Variants in HTR4 observed in about 807,000 individuals in gnomAD.
HTR4 encodes 5-hydroxytryptamine (serotonin) receptor 4, G protein-coupled.
HTR4 carries 16 observed loss-of-function variants against 36.8 expected under a neutral mutation model. That is an observed-to-expected ratio of 0.43 (90% CI 0.29 to 0.66). The LOEUF is 0.66. Among genes scored for constraint, HTR4 ranks in the 30% least tolerant of loss-of-function variants. The pLI, the probability that HTR4 is intolerant of heterozygous loss-of-function variation, is 0.13. For missense variants in HTR4, 438 were observed against 490.9 expected (o/e 0.89, Z 1.02); for synonymous variants, 189 against 185.1 (o/e 1.02, Z -0.17).
intron 5 of HTR4, among the ~76,000 whole-genome samples, chr5:148,516,411 A>G (rs1757756963): frequency 7.2e-6 from 1 of 138,358 alleles, no homozygotes; most frequent in Admixed American, 8.3e-5. Context: ...CCTCCACCTC[A>G]TGGGTTCAAG....
At chr5:148,582,334 G>A (rs1761166719) in intron 2 of HTR4, among the ~76,000 whole-genome samples, 1 of 151,992 alleles carries the variant, frequency 6.6e-6, no homozygotes, top group African/African-American at 2.4e-5. Context: ...GGGTACATGT[G>A]TGGGTTTGTT....
chr5:148,612,067 G>T (rs1305402619), intron 2 of HTR4, among the ~76,000 whole-genome samples: 1 of 152,166 alleles, frequency 6.6e-6, no homozygotes, highest in East Asian at 1.9e-4. Context: ...AGACTCCCAC[G>T]CATTAATAAT....
intron 6 of HTR4, among the ~76,000 whole-genome samples, chr5:148,496,521 C>A (rs920387031): frequency 6.6e-6 from 1 of 152,148 alleles, no homozygotes; most frequent in African/African-American, 2.4e-5. Context: ...GAACCTATGG[C>A]CAAATATGCC....
intron 5 of HTR4, chr5:148,465,991 A>T: frequency 6.3e-7 from 1 of 1,579,946 alleles, no homozygotes. Flanking sequence ...GAAAGAAAAA[A>T]GAAAAAAAAA....
intron 5 of HTR4, among the ~76,000 whole-genome samples, chr5:148,457,985 A>C (rs1755154903): frequency 1.4e-5 from 2 of 138,428 alleles, no homozygotes; most frequent in South Asian, 4.3e-4. Context: ...TTTTAATGAT[A>C]TATTTAATAT....
Position 148,654,167 on chromosome 5 carries a change from G to A in HTR4, c.-153C>T, listed in dbSNP as rs555827116. 4.4e-5 allele frequency: 43 copies of A among 985,586 alleles called. 1 individual carries two copies. In the African/African-American group the frequency reaches 7.5e-4, roughly 17 times the overall value. 61.1% of individuals were successfully genotyped at this position (985,586 alleles called of 1,614,324 possible). On this transcript the variant is annotated 5_prime_UTR_variant, in exon 1 of 7. Coordinates refer to ENST00000377888, the MANE Select transcript of HTR4 (RefSeq NM_000870.7). ...CGCCGCTGCCGCTGCGCTCCCAGCC[G>A]CTGCCTGCGCCCTCCCTGCCGCCCC...
At chr5:148,561,080 A>T (rs567090460) in intron 2 of HTR4, among the ~76,000 whole-genome samples, 6 of 152,186 alleles carry the variant, frequency 3.9e-5, no homozygotes, top group Non-Finnish European at 8.8e-5. Context: ...AACCCTATAG[A>T]CAAGGACACG....
rs114671727 is a variant in HTR4 at position 148,487,680 on chromosome 5, C to T, written c.1077-4387G>A. Among the ~76,000 whole-genome samples the T allele has an allele frequency of 4.2e-3, 634 of 149,508 alleles. 6 individuals carry two copies. The highest frequency in any genetic ancestry group is 0.015 in the African/African-American group (608 of 39,770). On this transcript the variant is annotated intron_variant, in intron 6 of 6. Transcript: ENST00000377888. ...CAGCCATTCTATTCATACCAGAGAG[C>T]GAGCTTAGAGATAGAGACAGTAGAG...
intron 4 of HTR4, among the ~76,000 whole-genome samples, chr5:148,545,226 C>A (rs1214179102): frequency 6.6e-6 from 1 of 152,186 alleles, no homozygotes; most frequent in Non-Finnish European, 1.5e-5. Context: ...CAAAAGAAAC[C>A]CCATCTGATA....
rs190106161 is a variant in HTR4 at position 148,528,738 on chromosome 5, C to T, written c.354-5392G>A. Among the ~76,000 whole-genome samples, 463 of 152,130 alleles carry T rather than the reference C, an allele frequency of 3.0e-3. 2 individuals carry two copies. The highest frequency in any genetic ancestry group is 4.0e-3 in the Non-Finnish European group (275 of 68,008). ...GTCCCCGTTAATAACAAAAAGGAAACTGACCTATCATGAACTATTCCTGCA... is the reference window on the plus strand; with the variant it reads ...GTCCCCGTTAATAACAAAAAGGAAATTGACCTATCATGAACTATTCCTGCA... On this transcript the variant is annotated intron_variant, in intron 4 of 6. Transcript: ENST00000377888.
At chr5:148,593,967 G>T (rs1225852064) in intron 2 of HTR4, among the ~76,000 whole-genome samples, 3 of 152,132 alleles carry the variant, frequency 2.0e-5, no homozygotes, top group Admixed American at 2.0e-4. Context: ...TTCTCAGCAT[G>T]AATTATTGTC....
chr5:148,620,340 T>C (rs78369190), intron 2 of HTR4, among the ~76,000 whole-genome samples: 3,108 of 152,272 alleles, frequency 0.02, 49 homozygotes, highest in Non-Finnish European at 0.03. Context: ...TAAAGAATGA[T>C]AGATTGGCAG....
chr5:148,582,619 T>G (rs1269629502), intron 2 of HTR4, among the ~76,000 whole-genome samples: 3 of 152,144 alleles, frequency 2.0e-5, no homozygotes, highest in Non-Finnish European at 2.9e-5. Context: ...CCTTTTAAAA[T>G]GAGCCCAATA....
intron 2 of HTR4, among the ~76,000 whole-genome samples, chr5:148,618,559 C>G (rs550128335): frequency 1.1e-4 from 17 of 152,290 alleles, no homozygotes; most frequent in African/African-American, 4.1e-4. Context: ...TTTGTGGGAT[C>G]TGATAATAAC....
intron 2 of HTR4, among the ~76,000 whole-genome samples, chr5:148,585,397 G>T (rs1346562881): frequency 6.6e-6 from 1 of 152,306 alleles, no homozygotes; most frequent in East Asian, 1.9e-4. Flanking sequence ...ATCAAAGATT[G>T]CCTTAGAATC....
chr5:148,591,361 T>C (rs1761563690), intron 2 of HTR4, among the ~76,000 whole-genome samples: 1 of 152,160 alleles, frequency 6.6e-6, no homozygotes, highest in South Asian at 2.1e-4. Flanking sequence ...TTAATACTTC[T>C]ATAAAGAATT....
intron 4 of HTR4, among the ~76,000 whole-genome samples, chr5:148,546,257 G>C (rs944362782): frequency 2.6e-5 from 4 of 152,052 alleles, no homozygotes; most frequent in African/African-American, 9.7e-5. Flanking sequence ...TGACAAGCTG[G>C]GCCAAAGTGA....
rs1488121148 is a variant in HTR4, at chr5:148,523,288, T to C, written c.412A>G (p.Ile138Val). 3.7e-6 allele frequency: 6 copies of C among 1,613,248 alleles called. No homozygotes were observed. Among genetic ancestry groups the C allele is most frequent in the African/African-American group, 1.3e-5 (1 of 74,850 alleles). Residue 138 changes from isoleucine (I) to valine (V), a missense_variant, in exon 5 of 7, where the codon ATC becomes GTC. Ile to Val is a conservative substitution (Grantham distance 29). Coordinates refer to ENST00000377888, the MANE Select transcript of HTR4 (RefSeq NM_000870.7). The stretch of plus-strand genomic sequence containing the variant: ...CAGCAGCCTCCCAGCATTAATGCGA[T>C]GCGCAGAGGGGTCATCTTGTTCCTA... ...VYRNKMTPLR[I>V]ALMLGGCWVI... is the part of the protein sequence containing the mutation.
At chr5:148,487,382 G>GGAGGAGGAAGAAGGAGAA (rs1180212226) in intron 6 of HTR4, among the ~76,000 whole-genome samples, 1 of 152,104 alleles carries the variant, frequency 6.6e-6, no homozygotes, top group Non-Finnish European at 1.5e-5. Context: ...AGAAAGAATA[G>GGAGGAGGAAGAAGGAGAA]GAGGAGGAAG....
Sources: allele counts gnomAD v4.1 joint callset (sites outside exome capture counted in the v4.1 genomes callset), GRCh38; gene constraint gnomAD v4.1.1; transcripts MANE v1.5; gene names NCBI Gene and HGNC (gene_info 2026-07-23, HGNC 2026-07-21).